CNTLN: variants seen among roughly 807,000 people sequenced by gnomAD.
CNTLN encodes centlein, centrosomal protein.
CNTLN carries 212 observed loss-of-function variants against 180.0 expected under a neutral mutation model. The observed-to-expected ratio is 1.18, with a 90% CI of 1.05 to 1.32. The LOEUF is 1.32. CNTLN is among the 40% of genes most tolerant of loss of function. The pLI is 0.00. For missense variants in CNTLN, 2,095 were observed against 1,610.9 expected, an observed-to-expected ratio of 1.30 and a Z score of -5.14; for synonymous variants, 722 against 563.1, an observed-to-expected ratio of 1.28 and a Z score of -3.99.
intron 5 of CNTLN, among the ~76,000 whole-genome samples, chr9:17,262,095 G>A (rs184826130): frequency 8.8e-4 from 133 of 151,662 alleles, no homozygotes; most frequent in Non-Finnish European, 1.3e-3. Flanking sequence ...GCAGTGCTAT[G>A]GAGAAATAGA....
chr9:17,376,474 C>T (rs1824773504), intron 13 of CNTLN, among the ~76,000 whole-genome samples: 5 of 147,032 alleles, frequency 3.4e-5, no homozygotes, highest in East Asian at 2.0e-4. Flanking sequence ...TTTTTTGAGA[C>T]GGAGTCTCGC....
intron 25 of CNTLN, among the ~76,000 whole-genome samples, chr9:17,488,667 G>T (rs1172710447): frequency 2.0e-5 from 3 of 152,034 alleles, no homozygotes; most frequent in Non-Finnish European, 2.9e-5. Context: ...CTGAATGTAT[G>T]CTTATTCTGT....
chr9:17,187,965 ACT>A (rs1345496313), intron 2 of CNTLN, among the ~76,000 whole-genome samples: 5 of 149,780 alleles, frequency 3.3e-5, no homozygotes, highest in Admixed American at 6.7e-5. Context: ...ATATTTATAT[ACT>A]CTCTACTTTG....
At chr9:17,216,459 T>C (rs1001381858) in intron 2 of CNTLN, among the ~76,000 whole-genome samples, 6 of 152,256 alleles carry the variant, frequency 3.9e-5, no homozygotes, top group African/African-American at 1.2e-4. Context: ...AAAGGCAAGA[T>C]GATTTTTAGA....
In CNTLN at chr9:17,484,398, A is replaced by G. The variant is rs776119467; in HGVS notation, c.3959A>G (p.His1320Arg). The G allele has an allele frequency of 6.8e-6, 11 of 1,612,852 alleles. No homozygotes were observed. The highest frequency in any genetic ancestry group is 2.2e-5 in the South Asian group (2 of 90,868). Residue 1320 changes from histidine (H) to arginine (R), a missense_variant, in exon 24 of 26, where the codon CAT becomes CGT. Coordinates refer to ENST00000380647, the MANE Select transcript of CNTLN (RefSeq NM_017738.4). The part of the protein sequence containing the change: ...KNRDACKTST[H>R]KAQTLAASIL... ...AGGGACGCCTGTAAAACCTCAACCC[A>G]TAAAGCCCAGACCTTGGCAGCTTCT...
At chr9:17,246,617 T>C (rs757122040) in intron 5 of CNTLN, among the ~76,000 whole-genome samples, 2 of 152,198 alleles carry the variant, frequency 1.3e-5, no homozygotes, top group Non-Finnish European at 2.9e-5. Context: ...GCAAGACCTG[T>C]GTCCTTCCCT....
intron 13 of CNTLN, among the ~76,000 whole-genome samples, chr9:17,377,606 A>T (rs1172937065): frequency 6.6e-6 from 1 of 152,172 alleles, no homozygotes. Context: ...TCAAGAAGGA[A>T]TGAAAGTAGC....
chr9:17,460,557 G>A (rs1831392378), intron 19 of CNTLN, among the ~76,000 whole-genome samples: 1 of 151,702 alleles, frequency 6.6e-6, no homozygotes, highest in South Asian at 2.1e-4. Context: ...GAGGTCTAAA[G>A]CAGGGATACC....
At chr9:17,385,739 T>A (rs1244918622) in intron 13 of CNTLN, among the ~76,000 whole-genome samples, 2 of 152,182 alleles carry the variant, frequency 1.3e-5, no homozygotes, top group Non-Finnish European at 2.9e-5. Flanking sequence ...AGTATAACAA[T>A]ATTTACATAG....
intron 2 of CNTLN, among the ~76,000 whole-genome samples, chr9:17,155,825 A>G (rs749345687): frequency 5.3e-5 from 8 of 151,980 alleles, no homozygotes; most frequent in African/African-American, 1.2e-4. Flanking sequence ...TGTCTGCCCA[A>G]TTGGCTGCCC....
intron 2 of CNTLN, among the ~76,000 whole-genome samples, chr9:17,215,699 C>T (rs144576390): frequency 0.014 from 2,090 of 152,168 alleles, 50 homozygotes; most frequent in African/African-American, 0.047. Flanking sequence ...GTGGGCTCCA[C>T]GCAGTTCGAG....
intron 8 of CNTLN, among the ~76,000 whole-genome samples, chr9:17,315,831 C>A (rs1481875390): frequency 6.6e-6 from 1 of 151,974 alleles, no homozygotes; most frequent in African/African-American, 2.4e-5. Context: ...TCATTTAGGT[C>A]AAGTTTCTTG....
intron 18 of CNTLN, among the ~76,000 whole-genome samples, chr9:17,418,040 C>T (rs1199245281): frequency 6.6e-6 from 1 of 151,996 alleles, no homozygotes; most frequent in Non-Finnish European, 1.5e-5. Context: ...TTTCAAATCT[C>T]ATCTATTCCA....
chr9:17,167,643 A>G, intron 2 of CNTLN: 1 of 152,210 alleles, frequency 6.6e-6, no homozygotes, highest in East Asian at 1.9e-4. Flanking sequence ...AATGAGGTAT[A>G]GCATGTGTAT....
At chr9:17,285,037 G>A (rs1828895992) in intron 6 of CNTLN, among the ~76,000 whole-genome samples, 1 of 150,340 alleles carries the variant, frequency 6.7e-6, no homozygotes, top group Admixed American at 6.6e-5. Context: ...AAGTTTTAGG[G>A]TACATGTGCA....
intron 14 of CNTLN, among the ~76,000 whole-genome samples, chr9:17,393,312 C>G (rs895904392): frequency 2.0e-5 from 3 of 152,170 alleles, no homozygotes; most frequent in Non-Finnish European, 2.9e-5. Context: ...AGTATTCAGA[C>G]CATCGGAGTT....
chr9:17,515,191 T>C, the CNTLN span, among the ~76,000 whole-genome samples: 1 of 152,116 alleles, frequency 6.6e-6, no homozygotes, highest in East Asian at 1.9e-4. Context: ...TCACGCTTTC[T>C]TGAAAGCCTG....
intron 18 of CNTLN, among the ~76,000 whole-genome samples, chr9:17,424,342 C>G (rs558286694): frequency 6.6e-5 from 10 of 152,170 alleles, no homozygotes; most frequent in African/African-American, 2.4e-4. Flanking sequence ...TTAATTGAAA[C>G]ATGAAAATTA....
intron 23 of CNTLN, among the ~76,000 whole-genome samples, chr9:17,480,965 C>G (rs1331114685): frequency 2.0e-5 from 3 of 152,166 alleles, no homozygotes; most frequent in African/African-American, 7.2e-5. Context: ...TTGTCAAGTC[C>G]TTGCCTAGAC....
Sources: gnomAD v4.1 joint callset for allele counts (sites outside exome capture counted in the v4.1 genomes callset) on GRCh38, gnomAD v4.1.1 for gene constraint, MANE v1.5 for transcripts, NCBI Gene and HGNC (gene_info 2026-07-23, HGNC 2026-07-21) for gene names.